Variants in PDS5B observed in about 807,000 individuals in gnomAD.
The protein encoded by PDS5B is sister chromatid cohesion protein PDS5 homolog B.
Under a neutral mutation model 184.1 loss-of-function variants are expected in PDS5B, and 51 were observed. That is an observed-to-expected ratio of 0.28 (90% CI 0.22 to 0.35). The LOEUF is 0.35. PDS5B is among the 10% of genes least tolerant of loss of function. The probability of loss-of-function intolerance (pLI) is 1.00; values close to 1 mark genes in which losing one functional copy is unlikely to be tolerated. For missense variants in PDS5B, 1,180 were observed against 1,723.3 expected, an observed-to-expected ratio of 0.68 and a Z score of 5.58; for synonymous variants, 566 against 569.2, an observed-to-expected ratio of 0.99 and a Z score of 0.08.
Position 32,658,634 on chromosome 13 carries a change from G to C in PDS5B, c.497+103G>C, listed in dbSNP as rs897327810. ...GTTACAATGAATATTAGAAGGCTGA[G>C]AGATGTAACTTTTAACACACTTTAT... is the stretch of plus-strand genomic sequence containing the variant. On this transcript the variant is annotated intron_variant, in intron 5 of 34. Transcript: ENST00000315596. The C allele has an allele frequency of 5.2e-6, 3 of 582,248 alleles. No homozygotes were observed. In the Admixed American group the frequency reaches 1.0e-4, roughly 20 times the overall value. The allele number at this position is 582,248 out of a possible 1,614,324, so 36.1% of individuals were successfully genotyped here.
At chr13:32,704,111 C>CT (rs1951938887) in intron 17 of PDS5B, among the ~76,000 whole-genome samples, 1 of 151,218 alleles carries the variant, frequency 6.6e-6, no homozygotes, top group Non-Finnish European at 1.5e-5. Context: ...AATAGCTCTG[C>CT]TTTTTTACAT....
intron 3 of PDS5B, 61 bp from the exon 4 acceptor site, chr13:32,658,178 T>C (rs1375944508): frequency 7.6e-6 from 6 of 786,214 alleles, no homozygotes; most frequent in Non-Finnish European, 1.3e-5. Context: ...TCTTGGAGTT[T>C]CATGGTTATT....
chr13:32,726,897 T>C (rs1447101306), intron 19 of PDS5B, among the ~76,000 whole-genome samples: 1 of 152,112 alleles, frequency 6.6e-6, no homozygotes, highest in Admixed American at 6.6e-5. Flanking sequence ...GCCTGGGCAA[T>C]AGAGCAACAC....
At chr13:32,676,631 T>TC (rs1468658148) in intron 9 of PDS5B, among the ~76,000 whole-genome samples, 2 of 152,006 alleles carry the variant, frequency 1.3e-5, no homozygotes, top group Admixed American at 1.3e-4. Context: ...TGCAGTTAAG[T>TC]CATAAACAAA....
chr13:32,607,925 G>A (rs1450805456), intron 1 of PDS5B, among the ~76,000 whole-genome samples: 1 of 152,208 alleles, frequency 6.6e-6, no homozygotes. Flanking sequence ...CAGTAGCAGG[G>A]TGGGAGCGTC....
At chr13:32,587,937 G>C (rs915179559) in intron 1 of PDS5B, among the ~76,000 whole-genome samples, 1 of 152,176 alleles carries the variant, frequency 6.6e-6, no homozygotes, top group African/African-American at 2.4e-5. Context: ...AACTCAAGTT[G>C]TGTTTACATA....
chr13:32,770,396 T>C lies in PDS5B; in HGVS notation c.3900T>C (p.Gly1300=). The C allele has an allele frequency of 6.3e-7, 1 of 1,589,212 alleles. No homozygotes were observed. ...GACCACCAAAACCTCTTGGTGGAGG[T>C]ACACCAAAAGAAGAGCCAACAATGA... The part of the protein sequence containing the change: ...RGRPPKPLGG[G]TPKEEPTMKT... Residue 1300 remains glycine (G), a synonymous_variant, in exon 32 of 35, where the codon GGT becomes GGC. Transcript: ENST00000315596.
chr13:32,772,084 G>A (rs1954807787), intron 33 of PDS5B, among the ~76,000 whole-genome samples: 1 of 151,978 alleles, frequency 6.6e-6, no homozygotes, highest in Admixed American at 6.6e-5. Flanking sequence ...TCTGACCTCA[G>A]TGAAATTGAA....
chr13:32,742,822 TA>T, intron 23 of PDS5B, 95 bp downstream of exon 23: 2 of 1,099,884 alleles, frequency 1.8e-6, no homozygotes, highest in East Asian at 2.4e-5. Context: ...CTTTTTTTTT[TA>T]AATTAGAATT....
chr13:32,709,837 A>G, intron 18 of PDS5B, 109 bp from the exon 19 acceptor site: 1 of 609,700 alleles, frequency 1.6e-6, no homozygotes, highest in Non-Finnish European at 2.4e-6. Flanking sequence ...GGTCAACATA[A>G]TTTTTTTTAA....
intron 25 of PDS5B, among the ~76,000 whole-genome samples, chr13:32,754,085 T>C (rs1227600421): frequency 1.3e-5 from 2 of 152,108 alleles, no homozygotes; most frequent in East Asian, 3.8e-4. Context: ...CACCAAATTC[T>C]GTTAATTCTT....
At chr13:32,590,061 T>G (rs2057750738) in intron 1 of PDS5B, among the ~76,000 whole-genome samples, 1 of 152,216 alleles carries the variant, frequency 6.6e-6, no homozygotes, top group Admixed American at 6.5e-5. Flanking sequence ...TAAAATTTAT[T>G]TGTTCAAATC....
intron 6 of PDS5B, among the ~76,000 whole-genome samples, chr13:32,660,934 C>T (rs905610625): frequency 1.3e-5 from 2 of 152,076 alleles, no homozygotes; most frequent in South Asian, 2.1e-4. Flanking sequence ...GCATAACTTG[C>T]ATAGCTCCTT....
rs983122607 is a variant in PDS5B, at chr13:32,775,195, C to A, written c.*143C>A. On this transcript the variant is annotated 3_prime_UTR_variant, in exon 35 of 35. Transcript: ENST00000315596. ...GGACAGTTGGACCTTACTTTGGTGA[C>A]CCCATACATTTGTGGTCACATGCTT... 2 of 681,570 alleles carry A rather than the reference C, an allele frequency of 2.9e-6. No homozygotes were observed. The highest frequency in any genetic ancestry group is 4.9e-6 in the Non-Finnish European group (2 of 404,178). The allele number at this position is 681,570 out of a possible 1,614,324, so 42.2% of individuals were successfully genotyped here.
At position 32,707,039 on chromosome 13, in the gene PDS5B, G is replaced by T; in HGVS notation, c.1962G>T (p.Lys654Asn). Residue 654 changes from lysine (K) to asparagine (N), a missense_variant and splice_region_variant, in exon 18 of 35, where the codon AAG becomes AAT. Coordinates refer to ENST00000315596, the MANE Select transcript of PDS5B (RefSeq NM_015032.4). ...TCAGAGCAGGTCTTGAACTGCTTAA[G>T]GTAAGTATCTATTTAAAATTAAGTG... ...QAIRAGLELL[K>N]VLSFTHPISF... 1 of 1,533,732 alleles carries T rather than the reference G, an allele frequency of 6.5e-7. No homozygotes were observed.
chr13:32,704,965 C>T (rs1566350644), intron 17 of PDS5B, among the ~76,000 whole-genome samples: 1 of 152,044 alleles, frequency 6.6e-6, no homozygotes, highest in Non-Finnish European at 1.5e-5. Context: ...CCACTGAATT[C>T]TTAGTATTTT....
rs775282386 is a variant in PDS5B at position 32,630,440 on chromosome 13, G to A, written c.-19-18314G>A. Among the ~76,000 whole-genome samples the A allele has an allele frequency of 3.2e-4, 48 of 152,126 alleles. 1 individual carries two copies. Among genetic ancestry groups the A allele is most frequent in the Admixed American group, 2.6e-4 (4 of 15,272 alleles). On this transcript the variant is annotated intron_variant, in intron 1 of 34. Coordinates refer to ENST00000315596, the MANE Select transcript of PDS5B (RefSeq NM_015032.4). Reference sequence around the variant, plus strand: ...CTAGTGAGTAGAGCCCAGGGATGCTGCTGAACATTGTACAATGCACAGGTG... The same window carrying A: ...CTAGTGAGTAGAGCCCAGGGATGCTACTGAACATTGTACAATGCACAGGTG...
chr13:32,655,370 ATATATTTTTTTTT>A (rs1359925148), intron 3 of PDS5B, among the ~76,000 whole-genome samples: 1 of 26,946 alleles, frequency 3.7e-5, no homozygotes, highest in Non-Finnish European at 6.5e-5. Context: ...ATATATATAT[ATATATTTTTTTTT>A]TTTTTTTTTT....
In PDS5B at chr13:32,770,792, T is replaced by A. The variant is rs1437045101; in HGVS notation, c.4172+31T>A. ...TTGTAAATATTACATTTCAAACCAA[T>A]TTCAAATTATTTTGCAAAAGTTCCT... On this transcript the variant is annotated intron_variant, in intron 33 of 34. Coordinates refer to ENST00000315596, the MANE Select transcript of PDS5B (RefSeq NM_015032.4). 6 of 1,498,928 alleles carry A rather than the reference T, an allele frequency of 4.0e-6. No individual in the cohort carries two copies. The East Asian group carries it at 1.5e-4, about 36-fold the overall frequency. The allele number at this position is 1,498,928 out of a possible 1,614,324, so 92.9% of individuals were successfully genotyped here.
Sources: allele counts gnomAD v4.1 joint callset (sites outside exome capture counted in the v4.1 genomes callset), GRCh38; gene constraint gnomAD v4.1.1; transcripts MANE v1.5; gene names NCBI Gene and HGNC (gene_info 2026-07-23, HGNC 2026-07-21).